The following ACBD6 variants were observed in gnomAD, a reference collection of about 807,000 sequenced individuals.
ACBD6 encodes the protein acyl-CoA binding domain containing 6.
Under a neutral mutation model 37.2 loss-of-function variants are expected in ACBD6, and 28 were observed. The observed-to-expected ratio is 0.75, with a 90% CI of 0.56 to 1.03. The LOEUF is 1.03. Ranked by LOEUF, ACBD6 falls within the 50% of genes least tolerant of loss-of-function variation. The pLI is 0.00. For synonymous variants in ACBD6, 113 were observed against 126.8 expected (o/e 0.89, Z 0.73); for missense variants, 340 against 337.4 (o/e 1.01, Z -0.06).
At chr1:180,330,967 T>A (rs1323922468) in intron 6 of ACBD6, among the ~76,000 whole-genome samples, 5 of 152,248 alleles carry the variant, frequency 3.3e-5, no homozygotes, top group Admixed American at 3.3e-4. Context: ...AAATTTGCCA[T>A]CAGGGTAGTG....
chr1:180,378,536 AG>A (rs1313499738), intron 6 of ACBD6, among the ~76,000 whole-genome samples: 1 of 152,270 alleles, frequency 6.6e-6, no homozygotes, highest in Non-Finnish European at 1.5e-5. Flanking sequence ...CTAGATGAGT[AG>A]TATACAGGAA....
intron 7 of ACBD6, among the ~76,000 whole-genome samples, chr1:180,295,513 GC>G (rs1649883405): frequency 1.3e-5 from 1 of 76,864 alleles, no homozygotes; most frequent in South Asian, 5.2e-4. Context: ...CACAGATAAT[GC>G]ATTTTTTTTT....
intron 4 of ACBD6, among the ~76,000 whole-genome samples, chr1:180,414,726 A>G (rs1415918561): frequency 6.6e-6 from 1 of 152,236 alleles, no homozygotes; most frequent in African/African-American, 2.4e-5. Context: ...GGGAAAAACA[A>G]CTTGCTTCAA....
At chr1:180,298,669 A>G (rs1650012874) in intron 7 of ACBD6, among the ~76,000 whole-genome samples, 2 of 152,258 alleles carry the variant, frequency 1.3e-5, no homozygotes, top group East Asian at 1.9e-4. Flanking sequence ...GATGTGAATG[A>G]AATTTTAGCT....
At chr1:180,434,998 C>T (rs892139363) in intron 3 of ACBD6, 32 of 961,650 alleles carry the variant, frequency 3.3e-5, no homozygotes, top group Non-Finnish European at 4.4e-5. Context: ...TACGGCCTGA[C>T]GTTTACAGAG....
chr1:180,433,574 CTGTG>C (rs61101474), intron 3 of ACBD6, among the ~76,000 whole-genome samples: 3,142 of 149,696 alleles, frequency 0.021, 53 homozygotes, highest in South Asian at 0.036. Context: ...TGGTGTTATG[CTGTG>C]TGTGTGTGTG....
In ACBD6 at chr1:180,437,875, G is replaced by A. The variant is rs576399083; in HGVS notation, c.385-7613C>T. Among the ~76,000 whole-genome samples, 6 of 152,300 alleles carry A rather than the reference G, an allele frequency of 3.9e-5. No homozygotes were observed. The South Asian group carries it at 1.2e-3, about 32-fold the overall frequency. On this transcript the variant is annotated intron_variant, in intron 3 of 7. Coordinates refer to ENST00000367595, the MANE Select transcript of ACBD6 (RefSeq NM_032360.4). ...GAAGTGAGTCTTGCAGGTATCTGGA[G>A]TAGATTGTTCCAGCCATAGGAAAAA...
intron 3 of ACBD6, among the ~76,000 whole-genome samples, chr1:180,448,686 C>T (rs1192410335): frequency 6.6e-6 from 1 of 152,196 alleles, no homozygotes; most frequent in African/African-American, 2.4e-5. Flanking sequence ...AATTGAAGTG[C>T]ATAAAAACCC....
intron 6 of ACBD6, among the ~76,000 whole-genome samples, chr1:180,323,085 T>C (rs1397523194): frequency 6.6e-6 from 1 of 151,944 alleles, no homozygotes; most frequent in Non-Finnish European, 1.5e-5. Context: ...AATTTTTCAA[T>C]TTTCTTAATT....
intron 6 of ACBD6, among the ~76,000 whole-genome samples, chr1:180,356,072 C>T (rs917266303): frequency 4.6e-5 from 7 of 151,978 alleles, no homozygotes; most frequent in Non-Finnish European, 1.0e-4. Flanking sequence ...GGGGTTTCAC[C>T]ATATTGGTCA....
At chr1:180,397,648 G>A (rs922035192) in intron 5 of ACBD6, 43 bp from the exon 6 acceptor site, 2 of 1,459,030 alleles carry the variant, frequency 1.4e-6, no homozygotes, top group South Asian at 1.1e-5. Context: ...CTCAGTTGTG[G>A]AGCCATGTAA....
chr1:180,274,538 C>T (rs550862818), intron 10 of ACBD6: 4 of 1,601,028 alleles, frequency 2.5e-6, no homozygotes, highest in South Asian at 1.1e-5. Context: ...TCCAACTAGC[C>T]CAGGCTCTTG....
At chr1:180,456,953 T>C (rs12131071) in intron 3 of ACBD6, among the ~76,000 whole-genome samples, 73,923 of 152,070 alleles carry the variant, frequency 0.49, 20,806 homozygotes, top group South Asian at 0.66. Context: ...CAAACAAACA[T>C]ATTTTATAAC....
At chr1:180,279,333 G>C (rs1436862456) in intron 9 of ACBD6, among the ~76,000 whole-genome samples, 3 of 152,172 alleles carry the variant, frequency 2.0e-5, no homozygotes, top group African/African-American at 7.2e-5. Context: ...GTCTTGCGCT[G>C]TTGCCCAGGC....
intron 6 of ACBD6, among the ~76,000 whole-genome samples, chr1:180,317,678 G>C (rs529355772): frequency 2.0e-5 from 3 of 152,084 alleles, no homozygotes; most frequent in Admixed American, 2.0e-4. Flanking sequence ...GAGGGTCTCT[G>C]GTTCTTGTCA....
intron 2 of ACBD6, among the ~76,000 whole-genome samples, chr1:180,493,123 C>T (rs1419012283): frequency 6.6e-6 from 1 of 151,736 alleles, no homozygotes; most frequent in African/African-American, 2.4e-5. Flanking sequence ...GTGGTGTGCG[C>T]CTGTAGTCCA....
intron 6 of ACBD6, among the ~76,000 whole-genome samples, chr1:180,345,962 C>T (rs1402172230): frequency 6.6e-6 from 1 of 151,870 alleles, no homozygotes; most frequent in African/African-American, 2.4e-5. Flanking sequence ...CAAAACCTAG[C>T]CTGTAGCAGC....
chr1:180,476,631 G>C (rs1391062160), intron 3 of ACBD6, among the ~76,000 whole-genome samples: 1 of 152,128 alleles, frequency 6.6e-6, no homozygotes, highest in Non-Finnish European at 1.5e-5. Flanking sequence ...TTTGAGACCA[G>C]CCTGGTCAAC....
At chr1:180,490,671 A>G (rs1265514632) in intron 3 of ACBD6, among the ~76,000 whole-genome samples, 2 of 151,772 alleles carry the variant, frequency 1.3e-5, no homozygotes, top group Non-Finnish European at 2.9e-5. Flanking sequence ...CTGTAGTCCC[A>G]GCTACTCAGG....
Sources: gnomAD v4.1 joint callset for allele counts (sites outside exome capture counted in the v4.1 genomes callset) on GRCh38, gnomAD v4.1.1 for gene constraint, MANE v1.5 for transcripts, NCBI Gene and HGNC (gene_info 2026-07-23, HGNC 2026-07-21) for gene names.